NUGGC: variants seen among roughly 807,000 people sequenced by gnomAD.
NUGGC encodes nuclear GTPase, germinal center associated, also known as nuclear GTPase SLIP-GC.
NUGGC carries 58 observed loss-of-function variants against 92.6 expected under a neutral mutation model. The ratio of observed to expected loss-of-function variants is 0.63; its 90% confidence interval spans 0.51 to 0.78. The LOEUF (loss-of-function observed/expected upper bound fraction) is 0.78. Ranked by LOEUF, NUGGC falls within the 30% of genes least tolerant of loss-of-function variation. The pLI, the probability that NUGGC is intolerant of heterozygous loss-of-function variation, is 0.00. For missense variants in NUGGC, 925 were observed against 964.6 expected, an observed-to-expected ratio of 0.96 and a Z score of 0.54; for synonymous variants, 376 against 366.4, an observed-to-expected ratio of 1.03 and a Z score of -0.30.
Position 28,056,066 on chromosome 8 carries a change from A to G in NUGGC, c.1117-12T>C, listed in dbSNP as rs1267749647. On this transcript the variant is annotated splice_polypyrimidine_tract_variant and intron_variant, in intron 9 of 18. Coordinates refer to ENST00000413272, the MANE Select transcript of NUGGC (RefSeq NM_001010906.2). Reference sequence around the variant, plus strand: ...CTCTGAATAGCTTGCTAGGTTGTGAAAGGAAATAGAAGCATGCAGAGAGTA... The same window carrying G: ...CTCTGAATAGCTTGCTAGGTTGTGAGAGGAAATAGAAGCATGCAGAGAGTA... 2 of 1,445,284 alleles carry G rather than the reference A, an allele frequency of 1.4e-6. No homozygotes were observed. The highest frequency in any genetic ancestry group is 1.9e-6 in the Non-Finnish European group (2 of 1,049,784). 89.5% of individuals were successfully genotyped at this position (1,445,284 alleles called of 1,614,324 possible).
rs1585545415 is a variant in NUGGC, at chr8:28,023,450, T to C, written c.2258A>G (p.Glu753Gly). Residue 753 changes from glutamate to glycine, a missense_variant, in exon 19 of 19, where the codon GAA becomes GGA. Coordinates refer to ENST00000413272, the MANE Select transcript of NUGGC (RefSeq NM_001010906.2). ...GTGCAGCTTCTCCATCTCCTTGTAT[T>C]CACTCCCGACATCTACAGGAGAGCA... ...LYKELADVGS[E>G]YKEMEKLHRS... 6.2e-7 allele frequency: 1 copy of C among 1,613,732 alleles called. No homozygotes were observed. Among genetic ancestry groups the C allele is most frequent in the South Asian group, 1.1e-5 (1 of 91,050 alleles).
At chr8:28,071,806 C>T (rs1810596821) in intron 2 of NUGGC, among the ~76,000 whole-genome samples, 1 of 152,164 alleles carries the variant, frequency 6.6e-6, no homozygotes, top group Non-Finnish European at 1.5e-5. Context: ...CTGGGGCTGG[C>T]CTGCACCTTA....
At chr8:28,025,865 G>A (rs1809245805) in intron 18 of NUGGC, among the ~76,000 whole-genome samples, 1 of 152,124 alleles carries the variant, frequency 6.6e-6, no homozygotes, top group South Asian at 2.1e-4. Flanking sequence ...AAATATACAG[G>A]GTGCAGAGCA....
chr8:28,064,386 T>A, intron 7 of NUGGC, 136 bp downstream of exon 7: 1 of 781,366 alleles, frequency 1.3e-6, no homozygotes, highest in Non-Finnish European at 2.1e-6. Context: ...CCTTGAGACT[T>A]AGAACATAGA....
chr8:28,026,289 C>T (rs532495873), intron 18 of NUGGC, among the ~76,000 whole-genome samples: 3 of 152,256 alleles, frequency 2.0e-5, no homozygotes, highest in Non-Finnish European at 2.9e-5. Flanking sequence ...AGGGTTGCTG[C>T]GCCAAATGAT....
At chr8:28,036,940 C>T (rs1373528452) in intron 13 of NUGGC, among the ~76,000 whole-genome samples, 3 of 152,210 alleles carry the variant, frequency 2.0e-5, no homozygotes, top group Non-Finnish European at 4.4e-5. Flanking sequence ...TATGTAACCA[C>T]GCCACATGAG....
chr8:28,037,171 C>T (rs554592678), intron 13 of NUGGC, among the ~76,000 whole-genome samples: 71 of 152,354 alleles, frequency 4.7e-4, no homozygotes, highest in Middle Eastern at 3.4e-3. Context: ...CACCTCCTAA[C>T]CAGGCTCTCT....
chr8:28,083,596 G>GT (rs750649258), intron 1 of NUGGC, among the ~76,000 whole-genome samples, 179 bp downstream of exon 1: 2 of 152,178 alleles, frequency 1.3e-5, no homozygotes, highest in Non-Finnish European at 2.9e-5. Flanking sequence ...TTCATCAGTT[G>GT]TAACAAATGT....
At chr8:28,082,112 T>C (rs1193919070) in intron 1 of NUGGC, among the ~76,000 whole-genome samples, 4 of 152,180 alleles carry the variant, frequency 2.6e-5, no homozygotes, top group Admixed American at 2.6e-4. Context: ...ACTAGGGATG[T>C]CCCAAGGCAG....
At position 28,031,249 on chromosome 8, in the gene NUGGC, G is replaced by C; in HGVS notation, c.1902C>G (p.Ile634Met). Residue 634 changes from isoleucine to methionine, a missense_variant, in exon 15 of 19, where the codon ATC (isoleucine) becomes ATG (methionine). Ile to Met is a conservative substitution (Grantham distance 10). Coordinates refer to ENST00000413272, the MANE Select transcript of NUGGC (RefSeq NM_001010906.2). The stretch of plus-strand genomic sequence containing the variant: ...CACTTTATAAGGAACGTACCTCCTG[G>C]ATCAGGAAATTTTTTTTGCAGCTAT... ...KYDSCKKNFL[I>M]QEISAILGGL... The C allele has an allele frequency of 6.2e-7, 1 of 1,614,030 alleles. No individual in the cohort carries two copies. The highest frequency in any genetic ancestry group is 8.5e-7 in the Non-Finnish European group (1 of 1,179,884).
At chr8:28,055,311 T>C (rs1563223659) in intron 10 of NUGGC, among the ~76,000 whole-genome samples, 1 of 151,920 alleles carries the variant, frequency 6.6e-6, no homozygotes, top group African/African-American at 2.4e-5. Flanking sequence ...CTTGAACACC[T>C]CCCCAGTCCC....
intron 13 of NUGGC, among the ~76,000 whole-genome samples, chr8:28,035,796 A>G (rs1415293940): frequency 1.3e-5 from 2 of 152,192 alleles, no homozygotes; most frequent in Admixed American, 6.5e-5. Context: ...GAAACCCTCA[A>G]TGGCCAAATC....
intron 9 of NUGGC, among the ~76,000 whole-genome samples, chr8:28,057,311 T>C (rs1049840964): frequency 2.6e-5 from 4 of 151,326 alleles, no homozygotes; most frequent in African/African-American, 7.3e-5. Flanking sequence ...GTATTTTCTC[T>C]TCCTTATGAT....
At chr8:28,042,087 A>C (rs528442549) in intron 12 of NUGGC, among the ~76,000 whole-genome samples, 1 of 152,124 alleles carries the variant, frequency 6.6e-6, no homozygotes, top group African/African-American at 2.4e-5. Flanking sequence ...ACCTTATAAA[A>C]CATGCCACCA....
chr8:28,073,801 G>A (rs1810650904), intron 2 of NUGGC, among the ~76,000 whole-genome samples: 2 of 152,094 alleles, frequency 1.3e-5, no homozygotes, highest in East Asian at 3.9e-4. Flanking sequence ...TGACTTTCTG[G>A]AACATTATTA....
chr8:28,066,086 G>A (rs896433229), intron 6 of NUGGC, among the ~76,000 whole-genome samples: 10 of 152,318 alleles, frequency 6.6e-5, no homozygotes, highest in East Asian at 1.9e-4. Context: ...GTTTCCGTGC[G>A]TAAATTTATG....
Position 28,045,678 on chromosome 8 carries a change from C to A in NUGGC, c.1313-18G>T. ...AGGGATTTCTGGAATTCACAGGCAG[C>A]ACAAATAATTGTTAAAGGCCAGAAG... On this transcript the variant is annotated intron_variant, in intron 11 of 18. Transcript: ENST00000413272. 1 of 1,604,634 alleles carries A rather than the reference C, an allele frequency of 6.2e-7. No homozygotes were observed. The highest frequency in any genetic ancestry group is 8.5e-7 in the Non-Finnish European group (1 of 1,177,244).
At chr8:28,051,418 G>A (rs372958557) in intron 10 of NUGGC, among the ~76,000 whole-genome samples, 65 of 152,250 alleles carry the variant, frequency 4.3e-4, no homozygotes, top group African/African-American at 1.3e-3. Flanking sequence ...GTATGTTAAA[G>A]TAAAGGCATT....
At position 28,067,569 on chromosome 8, in the gene NUGGC, G is replaced by A. The variant is rs755083542; in HGVS notation, c.656C>T (p.Ala219Val). 6.2e-6 allele frequency: 10 copies of A among 1,613,174 alleles called. No individual in the cohort carries two copies. Among genetic ancestry groups the A allele is most frequent in the South Asian group, 1.1e-5 (1 of 90,826 alleles). ...ESKNYEELLR[A>V]KPKRKIPTSR... is the part of the protein sequence containing the mutation. ...GGTGGGGATCTTCCTTTTGGGCTTC[G>A]CCCTCAGTAACTCCTCATAGTTCTT... Residue 219 changes from alanine to valine, a missense_variant, in exon 6 of 19, where the codon GCG (alanine) becomes GTG (valine). Ala to Val is a moderately conservative substitution (Grantham distance 64). Transcript: ENST00000413272.
Sources: allele counts gnomAD v4.1 joint callset (sites outside exome capture counted in the v4.1 genomes callset), GRCh38; gene constraint gnomAD v4.1.1; transcripts MANE v1.5; gene names NCBI Gene and HGNC (gene_info 2026-07-23, HGNC 2026-07-21).